Variants in CALN1 observed in about 807,000 individuals in gnomAD.
The protein encoded by CALN1 is calneuron 1, also known as calcium-binding protein 8.
CALN1 carries 17 observed loss-of-function variants against 30.6 expected under a neutral mutation model. That is an observed-to-expected ratio of 0.56 (90% CI 0.38 to 0.83). The LOEUF is 0.83. Among genes scored for constraint, CALN1 ranks in the 40% least tolerant of loss-of-function variants. The pLI, the probability that CALN1 is intolerant of heterozygous loss-of-function variation, is 0.00. For synonymous variants in CALN1, 156 were observed against 131.4 expected, an observed-to-expected ratio of 1.19 and a Z score of -1.28; for missense variants, 291 against 354.9, an observed-to-expected ratio of 0.82 and a Z score of 1.45.
chr7:72,286,238 T>C (rs1218594080), intron 2 of CALN1, among the ~76,000 whole-genome samples: 1 of 151,856 alleles, frequency 6.6e-6, no homozygotes, highest in Non-Finnish European at 1.5e-5. Context: ...CTGACTGGAA[T>C]TGCTTTATTA....
At chr7:72,246,990 G>T (rs1305713242) in intron 3 of CALN1, among the ~76,000 whole-genome samples, 1 of 151,984 alleles carries the variant, frequency 6.6e-6, no homozygotes, top group Non-Finnish European at 1.5e-5. Context: ...CCGACCTCAG[G>T]TGATCTGCCC....
chr7:72,412,207 T>G lies in CALN1; in HGVS notation c.-223A>C. The G allele has an allele frequency of 6.6e-6, 1 of 152,656 alleles. No homozygotes were observed. The highest frequency in any genetic ancestry group is 2.0e-4 in the South Asian group (1 of 5,046). 9.5% of individuals were successfully genotyped at this position (152,656 alleles called of 1,614,324 possible). A position where few individuals can be genotyped will look rare whatever the true frequency, so the allele number is the denominator to read the frequency against. On this transcript the variant is annotated 5_prime_UTR_variant, in exon 1 of 7. Coordinates refer to ENST00000395275, the MANE Select transcript of CALN1 (RefSeq NM_031468.4). ...CCGGTGGGCTTGCGGTCTTGCTGACTTCAAGAACGAAGACGCAGACCGCGG... is the reference window on the plus strand; with the variant it reads ...CCGGTGGGCTTGCGGTCTTGCTGACGTCAAGAACGAAGACGCAGACCGCGG...
intron 2 of CALN1, among the ~76,000 whole-genome samples, chr7:72,355,984 A>T (rs74626188): frequency 6.6e-6 from 1 of 152,240 alleles, no homozygotes; most frequent in Non-Finnish European, 1.5e-5. Flanking sequence ...CTTAAAAAAA[A>T]TTATGGTTGT....
chr7:72,052,116 A>G (rs1254514628), intron 4 of CALN1, among the ~76,000 whole-genome samples: 1 of 152,206 alleles, frequency 6.6e-6, no homozygotes, highest in African/African-American at 2.4e-5. Context: ...ATGATTGTCT[A>G]TCTAGAAAAA....
intron 5 of CALN1, among the ~76,000 whole-genome samples, chr7:71,886,883 C>T (rs764788863): frequency 6.6e-6 from 1 of 151,888 alleles, no homozygotes; most frequent in Non-Finnish European, 1.5e-5. Context: ...TCACATTCTA[C>T]TGGGGCACAG....
rs1029823044 is a variant in CALN1 at position 71,883,875 on chromosome 7, T to G, written c.502-73383A>C. Among the ~76,000 whole-genome samples, 5 of 152,142 alleles carry G rather than the reference T, an allele frequency of 3.3e-5. No individual in the cohort carries two copies. The East Asian group carries it at 9.6e-4, about 29-fold the overall frequency. ...ATGGCTTCTATTTATATGTCTCCAT[T>G]AAATGTTTCCTCCTGAGAAACTGGA... On this transcript the variant is annotated intron_variant, in intron 5 of 6. Transcript: ENST00000395275.
intron 1 of CALN1, 122 bp from the exon 2 acceptor site, chr7:72,403,564 A>G (rs1222933378): frequency 2.2e-6 from 1 of 464,330 alleles, no homozygotes; most frequent in East Asian, 3.1e-5. Flanking sequence ...TGGTAGAAAC[A>G]CAATCCTGGC....
intron 2 of CALN1, among the ~76,000 whole-genome samples, chr7:72,344,616 G>A (rs1802531783): frequency 7.0e-6 from 1 of 142,462 alleles, no homozygotes. Context: ...TGTATTTTAT[G>A]TATATATAAA....
At chr7:72,174,510 C>T (rs937668113) in intron 3 of CALN1, among the ~76,000 whole-genome samples, 8 of 151,994 alleles carry the variant, frequency 5.3e-5, no homozygotes, top group East Asian at 1.9e-4. Context: ...AAAACACAAA[C>T]GTCCATCAAC....
At chr7:71,833,754 C>T (rs1789431244) in intron 5 of CALN1, among the ~76,000 whole-genome samples, 1 of 151,774 alleles carries the variant, frequency 6.6e-6, no homozygotes, top group East Asian at 1.9e-4. Flanking sequence ...CTGTGCCCCT[C>T]TAAAAAGAAT....
intron 3 of CALN1, among the ~76,000 whole-genome samples, chr7:72,110,375 C>T (rs1326765235): frequency 3.9e-5 from 6 of 152,204 alleles, no homozygotes; most frequent in Non-Finnish European, 8.8e-5. Flanking sequence ...TCCAGAACTT[C>T]CCTCCTCTAA....
At chr7:72,014,834 G>A (rs1338717231) in intron 5 of CALN1, among the ~76,000 whole-genome samples, 3 of 151,806 alleles carry the variant, frequency 2.0e-5, no homozygotes, top group African/African-American at 4.8e-5. Flanking sequence ...GCTAATTTTT[G>A]TATTTGTTTG....
chr7:72,203,578 C>T lies in CALN1; in HGVS notation c.244+75108G>A, dbSNP rs192640323. Among the ~76,000 whole-genome samples the T allele has an allele frequency of 1.6e-4, 25 of 152,256 alleles. No individual in the cohort carries two copies. In the East Asian group the frequency reaches 3.3e-3, roughly 20 times the overall value. The stretch of plus-strand genomic sequence containing the variant: ...AAACCAGAAACCATGCTCCCTGGAT[C>T]ACATCCTGACTACTACAGTCCACAC... On this transcript the variant is annotated intron_variant, in intron 3 of 6. Transcript: ENST00000395275.
At chr7:72,388,758 CCA>C (rs749697309) in intron 2 of CALN1, among the ~76,000 whole-genome samples, 73 of 152,270 alleles carry the variant, frequency 4.8e-4, no homozygotes, top group Admixed American at 9.1e-4. Flanking sequence ...ACATACATGA[CCA>C]CAGACACCTG....
At chr7:72,475,560 A>C in the CALN1 span, among the ~76,000 whole-genome samples, 1 of 152,236 alleles carries the variant, frequency 6.6e-6, no homozygotes, top group Non-Finnish European at 1.5e-5. Flanking sequence ...TTTCTGATGC[A>C]TAGCTTTAAT....
intron 1 of CALN1, among the ~76,000 whole-genome samples, chr7:72,406,495 G>C (rs1397546180): frequency 6.6e-6 from 1 of 152,134 alleles, no homozygotes; most frequent in South Asian, 2.1e-4. Flanking sequence ...AAGTCCATTT[G>C]CTAATTGCCT....
chr7:72,232,612 C>A (rs1248679963), intron 3 of CALN1, among the ~76,000 whole-genome samples: 3 of 61,092 alleles, frequency 4.9e-5, no homozygotes, highest in East Asian at 0.05. Context: ...AAGCACCTGC[C>A]ACCATGCTGG....
intron 2 of CALN1, among the ~76,000 whole-genome samples, chr7:72,286,564 G>T (rs1798092758): frequency 6.6e-6 from 1 of 152,290 alleles, no homozygotes; most frequent in Non-Finnish European, 1.5e-5. Context: ...GCTACATGGT[G>T]GGCACAAGAA....
intron 2 of CALN1, chr7:72,337,111 C>T (rs756760217): frequency 5.1e-5 from 50 of 985,636 alleles, no homozygotes; most frequent in Non-Finnish European, 6.0e-5. Flanking sequence ...CCTCGCTGCG[C>T]CCCGGAGCCC....
Sources: gnomAD v4.1 joint callset for allele counts (sites outside exome capture counted in the v4.1 genomes callset) on GRCh38, gnomAD v4.1.1 for gene constraint, MANE v1.5 for transcripts, NCBI Gene and HGNC (gene_info 2026-07-23, HGNC 2026-07-21) for gene names.